The following HRH2 variants were observed in gnomAD, a reference collection of about 807,000 sequenced individuals.
HRH2 encodes the protein histamine H2 receptor.
Under a neutral mutation model 20.1 loss-of-function variants are expected in HRH2, and 4 were observed. The observed-to-expected ratio is 0.20, with a 90% CI of 0.10 to 0.45. HRH2 has a LOEUF of 0.45. Ranked by LOEUF, HRH2 falls within the 20% of genes least tolerant of loss-of-function variation. The pLI is 0.99. For synonymous variants in HRH2, 197 were observed against 200.7 expected, an observed-to-expected ratio of 0.98 and a Z score of 0.16; for missense variants, 250 against 461.6, an observed-to-expected ratio of 0.54 and a Z score of 4.20.
chr5:175,674,338 C>A (rs755692232), intron 1 of HRH2, among the ~76,000 whole-genome samples: 5 of 152,214 alleles, frequency 3.3e-5, no homozygotes, highest in Non-Finnish European at 5.9e-5. Flanking sequence ...GGGAACATGA[C>A]AATCTCGCTA....
chr5:175,703,998 AT>A, intron 2 of HRH2: 2 of 152,278 alleles, frequency 1.3e-5, no homozygotes, highest in South Asian at 4.1e-4. Flanking sequence ...AGAATTCCAT[AT>A]TTTAAAAATA....
Position 175,682,907 on chromosome 5 carries a change from G to A in HRH2, c.-327G>A. The A allele has an allele frequency of 3.5e-6, 1 of 283,556 alleles. No individual in the cohort carries two copies. Among genetic ancestry groups the A allele is most frequent in the Non-Finnish European group, 6.6e-6 (1 of 152,128 alleles). 17.6% of individuals were successfully genotyped at this position (283,556 alleles called of 1,614,324 possible). The stretch of plus-strand genomic sequence containing the variant: ...AAGCGGAGACCTACCCCAGCCCCGG[G>A]AGGAAGCTAGCTCTTCAGGGGACCG... On this transcript the variant is annotated 5_prime_UTR_variant, in exon 2 of 3. Coordinates refer to ENST00000636584, the MANE Select transcript of HRH2 (RefSeq NM_001367711.1).
intron 2 of HRH2, among the ~76,000 whole-genome samples, chr5:175,688,534 C>T (rs1447103231): frequency 2.0e-5 from 3 of 152,242 alleles, no homozygotes; most frequent in African/African-American, 7.2e-5. Context: ...GAATGTTACT[C>T]TACAGCAGGC....
At chr5:175,698,649 T>TCAGGTCCG (rs1756692245) in intron 2 of HRH2, among the ~76,000 whole-genome samples, 1 of 152,068 alleles carries the variant, frequency 6.6e-6, no homozygotes, top group African/African-American at 2.4e-5. Context: ...AGCCTCCCGG[T>TCAGGTCCG]CAGGTCCGAG....
chr5:175,698,586 A>G (rs927919385), intron 2 of HRH2, among the ~76,000 whole-genome samples: 3 of 152,200 alleles, frequency 2.0e-5, no homozygotes, highest in Non-Finnish European at 2.9e-5. Context: ...TTATTCATTC[A>G]CCAGCAAATC....
At chr5:175,696,827 C>CT (rs78831577) in intron 2 of HRH2, among the ~76,000 whole-genome samples, 15,989 of 152,240 alleles carry the variant, frequency 0.11, 1,124 homozygotes, top group African/African-American at 0.19. Flanking sequence ...ATCTCAGCAC[C>CT]GCCCCATGGG....
At position 175,672,874 on chromosome 5, in the gene HRH2, C is replaced by CT. The variant is rs1435815538; in HGVS notation, c.-525-9834dup. The stretch of plus-strand genomic sequence containing the variant: ...CCCCTCGGCAGAGCTGATGTGTGTA[C>CT]TGAGACGGGAATGTCCAGGTCATCA... On this transcript the variant is annotated intron_variant, in intron 1 of 2. Coordinates refer to ENST00000636584, the MANE Select transcript of HRH2 (RefSeq NM_001367711.1). Among the ~76,000 whole-genome samples, 8 of 152,298 alleles carry CT rather than the reference C, an allele frequency of 5.3e-5. No individual in the cohort carries two copies. The East Asian group carries it at 1.2e-3, about 22-fold the overall frequency.
intron 2 of HRH2, among the ~76,000 whole-genome samples, chr5:175,700,624 C>A (rs1332597377): frequency 3.9e-5 from 6 of 152,172 alleles, no homozygotes; most frequent in Admixed American, 3.3e-4. Flanking sequence ...CACAGTGGCT[C>A]AAGCCTGTAA....
intron 1 of HRH2, among the ~76,000 whole-genome samples, chr5:175,674,637 C>T (rs1379265025): frequency 1.3e-5 from 2 of 152,182 alleles, no homozygotes; most frequent in Non-Finnish European, 2.9e-5. Flanking sequence ...GATCCATTCA[C>T]TTTTCAGCCT....
At chr5:175,676,705 T>C (rs549792595) in intron 1 of HRH2, among the ~76,000 whole-genome samples, 1 of 152,346 alleles carries the variant, frequency 6.6e-6, no homozygotes, top group East Asian at 1.9e-4. Flanking sequence ...ATATCGTACT[T>C]ATTAAGTAAT....
intron 1 of HRH2, among the ~76,000 whole-genome samples, chr5:175,663,822 A>T (rs1762806983): frequency 6.6e-6 from 1 of 152,172 alleles, no homozygotes; most frequent in Non-Finnish European, 1.5e-5. Flanking sequence ...ATCTTGAAGA[A>T]CTCCAGGTGT....
chr5:175,668,954 G>A (rs532093922), intron 1 of HRH2, among the ~76,000 whole-genome samples: 14 of 152,252 alleles, frequency 9.2e-5, no homozygotes, highest in South Asian at 2.1e-4. Context: ...AGAATCAATC[G>A]TGCAGTTCCT....
At chr5:175,667,074 T>C (rs908248593) in intron 1 of HRH2, among the ~76,000 whole-genome samples, 3 of 152,192 alleles carry the variant, frequency 2.0e-5, no homozygotes, top group Admixed American at 2.0e-4. Context: ...GAATATATTA[T>C]ACATACTATT....
chr5:175,682,853 A>G lies in HRH2; in HGVS notation c.-381A>G. On this transcript the variant is annotated 5_prime_UTR_variant, in exon 2 of 3. Transcript: ENST00000636584. Reference sequence around the variant, plus strand: ...CATGACACCAAAGCCACCGCCAGACAGTGCCTCGGATTCTATGCAAAACCT... The same window carrying G: ...CATGACACCAAAGCCACCGCCAGACGGTGCCTCGGATTCTATGCAAAACCT... 4.6e-6 allele frequency: 1 copy of G among 215,476 alleles called. No individual in the cohort carries two copies. Among genetic ancestry groups the G allele is most frequent in the South Asian group, 8.7e-5 (1 of 11,520 alleles). The allele number at this position is 215,476 out of a possible 1,614,324, so 13.3% of individuals were successfully genotyped here.
intron 1 of HRH2, among the ~76,000 whole-genome samples, chr5:175,672,115 A>G (rs1220584629): frequency 1.3e-5 from 2 of 152,324 alleles, no homozygotes; most frequent in East Asian, 3.9e-4. Context: ...TTCTAAGCCC[A>G]TCTCCACAAT....
intron 2 of HRH2, among the ~76,000 whole-genome samples, chr5:175,684,699 T>A (rs1238813609): frequency 7.2e-5 from 11 of 152,218 alleles, no homozygotes; most frequent in Admixed American, 7.2e-4. Context: ...AGCACTCAAG[T>A]AACCATGTCA....
chr5:175,691,763 A>G (rs1199806584), intron 2 of HRH2, among the ~76,000 whole-genome samples: 5 of 151,976 alleles, frequency 3.3e-5, no homozygotes, highest in Non-Finnish European at 2.9e-5. Context: ...TGTGCCTGTA[A>G]TTCCAGCTGC....
chr5:175,666,512 G>A (rs537385914), intron 1 of HRH2, among the ~76,000 whole-genome samples: 84 of 152,204 alleles, frequency 5.5e-4, no homozygotes, highest in African/African-American at 1.8e-3. Flanking sequence ...CAGCAGCCTC[G>A]ACCTCCCCAG....
At chr5:175,696,934 T>A (rs1452446354) in intron 2 of HRH2, among the ~76,000 whole-genome samples, 1 of 152,138 alleles carries the variant, frequency 6.6e-6, no homozygotes, top group East Asian at 1.9e-4. Flanking sequence ...CCGTGGTAGC[T>A]CTTAGGGCTC....
Sources: gnomAD v4.1 joint callset for allele counts (sites outside exome capture counted in the v4.1 genomes callset) on GRCh38, gnomAD v4.1.1 for gene constraint, MANE v1.5 for transcripts, NCBI Gene and HGNC (gene_info 2026-07-23, HGNC 2026-07-21) for gene names.